The following IL23R variants were observed in gnomAD, a reference collection of about 807,000 sequenced individuals.
IL23R encodes interleukin 23 receptor.
In IL23R, 34 loss-of-function variants were observed where a neutral mutation model predicts 56.9. The observed-to-expected ratio is 0.60, with a 90% confidence interval of 0.45 to 0.80. IL23R has a LOEUF of 0.80. Among genes scored for constraint, IL23R ranks in the 30% least tolerant of loss-of-function variants. IL23R has a pLI of 0.00. For missense variants in IL23R, 635 were observed against 730.0 expected, an observed-to-expected ratio of 0.87 and a Z score of 1.50; for synonymous variants, 230 against 249.2, an observed-to-expected ratio of 0.92 and a Z score of 0.73.
chr1:67,200,597 C>G lies in IL23R; in HGVS notation c.492-140C>G. 4.3e-6 allele frequency: 3 copies of G among 692,712 alleles called. No individual in the cohort carries two copies. In the East Asian group the frequency reaches 8.5e-5, roughly 20 times the overall value. 42.9% of individuals were successfully genotyped at this position (692,712 alleles called of 1,614,324 possible). On this transcript the variant is annotated intron_variant, in intron 4 of 10. Coordinates refer to ENST00000347310, the MANE Select transcript of IL23R (RefSeq NM_144701.3). ...ACAGGGTTTCACCATGTTGGCCAGG[C>G]TGGTCTCGAACTCCTGACCTCAGGT...
At position 67,258,475 on chromosome 1, in the gene IL23R, T is replaced by C. The variant is rs747488229; in HGVS notation, c.1240-3T>C. The C allele has an allele frequency of 8.8e-6, 14 of 1,594,186 alleles. No homozygotes were observed. The South Asian group carries it at 1.4e-4, about 16-fold the overall frequency. ...AAAATAAAATGATGTCTTTTTTTCCTAGGAAAATAGTGAACTTATGAATAA... is the reference window on the plus strand; with the variant it reads ...AAAATAAAATGATGTCTTTTTTTCCCAGGAAAATAGTGAACTTATGAATAA... On this transcript the variant is annotated splice_polypyrimidine_tract_variant and splice_region_variant and intron_variant, in intron 10 of 10. Transcript: ENST00000347310.
intron 4 of IL23R, among the ~76,000 whole-genome samples, chr1:67,183,249 G>T (rs970286681): frequency 2.0e-5 from 3 of 152,200 alleles, no homozygotes; most frequent in Non-Finnish European, 2.9e-5. Flanking sequence ...TTAAGCCATT[G>T]CTTAGGACGG....
At chr1:67,158,155 G>T (rs900684106) in intron 1 of IL23R, among the ~76,000 whole-genome samples, 2 of 152,072 alleles carry the variant, frequency 1.3e-5, no homozygotes. Flanking sequence ...AGCTGAGTTT[G>T]CAGTGAGCCG....
At chr1:67,171,153 G>A (rs993550468) in intron 3 of IL23R, among the ~76,000 whole-genome samples, 1 of 152,156 alleles carries the variant, frequency 6.6e-6, no homozygotes, top group South Asian at 2.1e-4. Flanking sequence ...TTTGGGGGTG[G>A]GAGTTGGGTA....
upstream of IL23R, among the ~76,000 whole-genome samples, chr1:67,138,748 C>T (rs1433106751): frequency 1.3e-5 from 2 of 152,132 alleles, no homozygotes; most frequent in African/African-American, 4.8e-5. Flanking sequence ...AAGTTTTGGG[C>T]TTTTTATATC....
chr1:67,259,965 G>GAAAAAAAAAAAAAAAAAAAAAAAAAAA (rs372460431), exon 11 of IL23R: 2 of 76,068 alleles, frequency 2.6e-5, no homozygotes, highest in Non-Finnish European at 4.5e-5. Flanking sequence ...ACTCTGTCTG[G>GAAAAAAAAAAAAAAAAAAAAAAAAAAA]AAAAAAAAAA....
intron 4 of IL23R, among the ~76,000 whole-genome samples, 171 bp downstream of exon 4, chr1:67,183,130 T>C (rs1647177728): frequency 6.6e-6 from 1 of 152,226 alleles, no homozygotes; most frequent in Admixed American, 6.5e-5. Context: ...TTCAAGCCAT[T>C]AATATTTTCA....
intron 8 of IL23R, among the ~76,000 whole-genome samples, chr1:67,237,095 T>C (rs1651528230): frequency 6.6e-6 from 1 of 152,224 alleles, no homozygotes; most frequent in African/African-American, 2.4e-5. Context: ...CAGGCTGGAG[T>C]GCAATGGTGC....
intron 4 of IL23R, among the ~76,000 whole-genome samples, chr1:67,191,068 C>T (rs1005982282): frequency 6.6e-6 from 1 of 152,166 alleles, no homozygotes; most frequent in Non-Finnish European, 1.5e-5. Flanking sequence ...TGGAGACAAA[C>T]AGAACCTTGC....
upstream of IL23R, among the ~76,000 whole-genome samples, chr1:67,165,378 A>T (rs1646863244): frequency 6.6e-6 from 1 of 152,248 alleles, no homozygotes; most frequent in South Asian, 2.1e-4. Context: ...TGGTACAGTT[A>T]TCATGGAAAA....
At chr1:67,207,357 C>T (rs569600545) in intron 6 of IL23R, among the ~76,000 whole-genome samples, 86 of 152,178 alleles carry the variant, frequency 5.7e-4, no homozygotes, top group Non-Finnish European at 1.1e-3. Context: ...TGCCTTCCTA[C>T]CTTCCTCCAC....
chr1:67,227,006 C>T (rs1451173059), intron 7 of IL23R, among the ~76,000 whole-genome samples: 1 of 152,198 alleles, frequency 6.6e-6, no homozygotes, highest in Non-Finnish European at 1.5e-5. Context: ...CACCCTGTCT[C>T]TGGATGTGAG....
intron 9 of IL23R, among the ~76,000 whole-genome samples, chr1:67,249,665 G>A (rs1652488923): frequency 6.6e-6 from 1 of 152,040 alleles, no homozygotes; most frequent in Non-Finnish European, 1.5e-5. Flanking sequence ...AAACATGTCA[G>A]ATAATCCTAT....
intron 7 of IL23R, 65 bp from the exon 8 acceptor site, chr1:67,236,648 G>A (rs1190429626): frequency 4.7e-5 from 47 of 999,396 alleles, no homozygotes; most frequent in South Asian, 1.4e-4. Context: ...AAGAAACTCC[G>A]TTGGGAAATT....
At chr1:67,236,352 A>G (rs1651472057) in intron 7 of IL23R, among the ~76,000 whole-genome samples, 1 of 152,230 alleles carries the variant, frequency 6.6e-6, no homozygotes, top group South Asian at 2.1e-4. Flanking sequence ...TGCACCATCA[A>G]TTGCAAGGAA....
At chr1:67,244,452 T>A (rs1022940895) in intron 9 of IL23R, among the ~76,000 whole-genome samples, 20 of 152,252 alleles carry the variant, frequency 1.3e-4, no homozygotes, top group Admixed American at 9.2e-4. Context: ...TTAGGTCTTA[T>A]GTTTAAGTAT....
At chr1:67,182,986 T>G in intron 4 of IL23R, 27 bp downstream of exon 4, 1 of 1,613,310 alleles carries the variant, frequency 6.2e-7, no homozygotes, top group Non-Finnish European at 8.5e-7. Context: ...CGGCTTCATA[T>G]AAGCAGTTCC....
chr1:67,217,822 G>A (rs1649944700), intron 6 of IL23R, among the ~76,000 whole-genome samples: 2 of 151,730 alleles, frequency 1.3e-5, no homozygotes. Flanking sequence ...CATTTTCAGT[G>A]CATTGCAAGT....
chr1:67,189,399 C>T (rs1469439118), intron 4 of IL23R, among the ~76,000 whole-genome samples: 1 of 152,086 alleles, frequency 6.6e-6, no homozygotes, highest in Non-Finnish European at 1.5e-5. Flanking sequence ...CATCTTCTTT[C>T]TTAAAATCCA....
Sources: gnomAD v4.1 joint callset for allele counts (sites outside exome capture counted in the v4.1 genomes callset) on GRCh38, gnomAD v4.1.1 for gene constraint, MANE v1.5 for transcripts, NCBI Gene and HGNC (gene_info 2026-07-23, HGNC 2026-07-21) for gene names.